CELF2: variants seen among roughly 807,000 people sequenced by gnomAD.
The protein encoded by CELF2 is CUGBP Elav-like family member 2.
A neutral mutation model predicts 62.6 loss-of-function variants in CELF2; 8 were observed. The ratio of observed to expected loss-of-function variants is 0.13; its 90% CI spans 0.07 to 0.23. CELF2 has a LOEUF of 0.23. Among genes scored for constraint, CELF2 ranks in the 10% least tolerant of loss-of-function variants. CELF2 has a pLI of 1.00. For missense variants in CELF2, 333 were observed against 671.0 expected (o/e 0.50, Z 5.56); for synonymous variants, 258 against 250.0 (o/e 1.03, Z -0.30).
chr10:10,702,357 C>T, the CELF2 span, among the ~76,000 whole-genome samples: 2,512 of 152,254 alleles, frequency 0.016, 64 homozygotes, highest in African/African-American at 0.056. Context: ...ACTTGACTGG[C>T]CCCTTTATGT....
chr10:11,323,416 C>T (rs1183558985), intron 11 of CELF2, among the ~76,000 whole-genome samples: 6 of 116,144 alleles, frequency 5.2e-5, no homozygotes, highest in Admixed American at 2.9e-4. Flanking sequence ...TGATGCCAGG[C>T]AGAGCAAAAA....
chr10:10,755,223 T>C, the CELF2 span, among the ~76,000 whole-genome samples: 3 of 152,232 alleles, frequency 2.0e-5, no homozygotes, highest in Non-Finnish European at 4.4e-5. Flanking sequence ...TAACCTCTTA[T>C]TGTTTTACAC....
the CELF2 span, among the ~76,000 whole-genome samples, chr10:10,529,843 C>A: frequency 6.6e-6 from 1 of 152,168 alleles, no homozygotes; most frequent in Non-Finnish European, 1.5e-5. Context: ...ACCCCAGAAT[C>A]CACATCAGTG....
At chr10:10,598,307 C>T in the CELF2 span, among the ~76,000 whole-genome samples, 2 of 152,162 alleles carry the variant, frequency 1.3e-5, no homozygotes, top group Admixed American at 6.5e-5. Context: ...AGAAAAGGCC[C>T]TTGATAGACG....
intron 1 of CELF2, among the ~76,000 whole-genome samples, chr10:11,122,384 T>C (rs1595705719): frequency 6.6e-6 from 1 of 152,254 alleles, no homozygotes; most frequent in Admixed American, 6.5e-5. Flanking sequence ...ACATCTGCTT[T>C]ACATAATACA....
chr10:11,198,118 A>G (rs898782273), intron 2 of CELF2, among the ~76,000 whole-genome samples: 4 of 152,262 alleles, frequency 2.6e-5, no homozygotes, highest in African/African-American at 9.6e-5. Flanking sequence ...CCACTGGTAC[A>G]CATGAAATAG....
Position 11,116,517 on chromosome 10 carries a change from G to A in CELF2, c.75-48969G>A, listed in dbSNP as rs1031145254. On this transcript the variant is annotated intron_variant, in intron 1 of 12. Coordinates refer to ENST00000633077, the MANE Select transcript of CELF2 (RefSeq NM_001326342.2). ...GTCTAACCAGAAACTGATCAGCAAG[G>A]CTTCAGGTCTCAGGTCTTGAGCGCT... Among the ~76,000 whole-genome samples the A allele has an allele frequency of 2.0e-5, 3 of 152,302 alleles. No homozygotes were observed. The South Asian group carries it at 6.2e-4, about 32-fold the overall frequency.
chr10:10,917,314 T>C (rs1384293923), intron 1 of CELF2, among the ~76,000 whole-genome samples: 1 of 152,220 alleles, frequency 6.6e-6, no homozygotes, highest in Non-Finnish European at 1.5e-5. Flanking sequence ...TGGACATTTC[T>C]ATTGCAGTGG....
the CELF2 span, among the ~76,000 whole-genome samples, chr10:10,463,665 A>G: frequency 6.6e-6 from 1 of 152,300 alleles, no homozygotes; most frequent in East Asian, 1.9e-4. Flanking sequence ...TTTTAGCCTC[A>G]GAAGCAGGAA....
At chr10:10,605,365 A>C in the CELF2 span, among the ~76,000 whole-genome samples, 6 of 152,150 alleles carry the variant, frequency 3.9e-5, no homozygotes, top group African/African-American at 1.4e-4. Context: ...GCAGCAAAGC[A>C]CCTTGGTACA....
intron 1 of CELF2, among the ~76,000 whole-genome samples, chr10:11,095,364 A>G (rs923478191): frequency 6.6e-6 from 1 of 152,090 alleles, no homozygotes; most frequent in Non-Finnish European, 1.5e-5. Flanking sequence ...TCATCCCACA[A>G]TGTGTCATTT....
At chr10:11,126,395 A>C (rs2058706326) in intron 1 of CELF2, among the ~76,000 whole-genome samples, 1 of 152,220 alleles carries the variant, frequency 6.6e-6, no homozygotes, top group South Asian at 2.1e-4. Context: ...TATAGTATTA[A>C]GCAAACTAGG....
chr10:10,664,726 TTG>T, the CELF2 span, among the ~76,000 whole-genome samples: 78 of 152,304 alleles, frequency 5.1e-4, no homozygotes, highest in African/African-American at 1.8e-3. Flanking sequence ...AAGAGAAATT[TTG>T]TGTTTGCCGT....
chr10:10,673,397 C>T, the CELF2 span, among the ~76,000 whole-genome samples: 1 of 151,914 alleles, frequency 6.6e-6, no homozygotes, highest in Admixed American at 6.6e-5. Flanking sequence ...TTTTTCATTT[C>T]TGATACAGTA....
chr10:10,722,612 G>T, the CELF2 span, among the ~76,000 whole-genome samples: 27 of 152,238 alleles, frequency 1.8e-4, no homozygotes, highest in Non-Finnish European at 2.9e-4. Flanking sequence ...AAAAACTTCT[G>T]CTCTTTTCAA....
intron 2 of CELF2, among the ~76,000 whole-genome samples, chr10:11,205,807 C>G (rs2060289451): frequency 6.6e-6 from 1 of 152,212 alleles, no homozygotes; most frequent in African/African-American, 2.4e-5. Flanking sequence ...AAATGCGACT[C>G]AGCTATTGCC....
chr10:11,082,802 A>G (rs545012946), intron 1 of CELF2, among the ~76,000 whole-genome samples: 83 of 152,294 alleles, frequency 5.4e-4, no homozygotes, highest in African/African-American at 1.9e-3. Flanking sequence ...GTAGGAAACA[A>G]TCTATTGACT....
At position 11,217,586 on chromosome 10, in the gene CELF2, C is replaced by G; in HGVS notation, c.354+79C>G. The G allele has an allele frequency of 9.6e-7, 1 of 1,046,588 alleles. No homozygotes were observed. Among genetic ancestry groups the G allele is most frequent in the Non-Finnish European group, 1.4e-6 (1 of 691,714 alleles). 64.8% of individuals were successfully genotyped at this position (1,046,588 alleles called of 1,614,324 possible). ...TTCAACTGAAGGTTCTAGTTATGGG[C>G]TCTTAGTGCCAAAAATGACTTTGGT... On this transcript the variant is annotated intron_variant, in intron 3 of 12. Coordinates refer to ENST00000633077, the MANE Select transcript of CELF2 (RefSeq NM_001326342.2). The surrounding 1 kb of genome is among the most constrained non-coding windows in gnomAD (Gnocchi z 5.6).
upstream of CELF2, among the ~76,000 whole-genome samples, chr10:10,797,442 T>C (rs78283610): frequency 0.013 from 2,011 of 152,202 alleles, 51 homozygotes; most frequent in African/African-American, 0.046. Context: ...TCTCAGTGTC[T>C]GGGCATAATA....
Sources: allele counts gnomAD v4.1 joint callset (sites outside exome capture counted in the v4.1 genomes callset), GRCh38; gene constraint gnomAD v4.1.1; non-coding constraint Gnocchi (gnomAD v3.1); transcripts MANE v1.5; gene names NCBI Gene and HGNC (gene_info 2026-07-23, HGNC 2026-07-21).